Variants in FAM178B observed in about 807,000 individuals in gnomAD.
The protein encoded by FAM178B is family with sequence similarity 178 member B.
In FAM178B, 82 loss-of-function variants were observed where a neutral mutation model predicts 91.7. That is an observed-to-expected ratio of 0.89 (90% CI 0.75 to 1.07). FAM178B has a LOEUF of 1.07. Ranked by LOEUF, FAM178B falls within the 50% of genes least tolerant of loss-of-function variation. The pLI, the probability that FAM178B is intolerant of heterozygous loss-of-function variation, is 0.00. For missense variants in FAM178B, 769 were observed against 846.7 expected (o/e 0.91, Z 1.14); for synonymous variants, 368 against 359.4 (o/e 1.02, Z -0.27).
intron 9 of FAM178B, among the ~76,000 whole-genome samples, chr2:96,927,789 G>A (rs867431785): frequency 3.3e-5 from 5 of 152,150 alleles, no homozygotes; most frequent in South Asian, 4.1e-4. Flanking sequence ...CTCCAGTGCC[G>A]CCTCCCACTC....
chr2:96,974,258 T>A (rs1261440828), intron 1 of FAM178B, among the ~76,000 whole-genome samples: 1 of 151,028 alleles, frequency 6.6e-6, no homozygotes, highest in South Asian at 2.1e-4. Flanking sequence ...GGTGGACGCC[T>A]GTAGTCCCAG....
At chr2:96,909,277 G>GT (rs1324535631) in intron 12 of FAM178B, among the ~76,000 whole-genome samples, 1 of 152,130 alleles carries the variant, frequency 6.6e-6, no homozygotes, top group African/African-American at 2.4e-5. Context: ...AGGAAGTGCA[G>GT]TATCTGCCAA....
intron 12 of FAM178B, among the ~76,000 whole-genome samples, chr2:96,905,852 ATATATATATTTTTTTTTTTTTT>A (rs1156270205): frequency 5.8e-4 from 16 of 27,752 alleles, no homozygotes; most frequent in East Asian, 9.9e-4. Context: ...ATATATATAT[ATATATATATTTTTTTTTTTTTT>A]TTTTTTTTTT....
chr2:96,960,751 A>G (rs1000847622), intron 5 of FAM178B, among the ~76,000 whole-genome samples: 1 of 152,232 alleles, frequency 6.6e-6, no homozygotes, highest in African/African-American at 2.4e-5. Flanking sequence ...CCAGGTACGG[A>G]GGGTGAGTCA....
intron 8 of FAM178B, among the ~76,000 whole-genome samples, chr2:96,943,706 A>T (rs1436757817): frequency 1.3e-5 from 2 of 152,150 alleles, no homozygotes; most frequent in Middle Eastern, 3.2e-3. Flanking sequence ...CTATCCTTCA[A>T]GACCTGGCCT....
chr2:96,967,747 T>TG, intron 4 of FAM178B, 120 bp from the exon 5 acceptor site: 1 of 669,980 alleles, frequency 1.5e-6, no homozygotes, highest in African/African-American at 1.8e-5. Flanking sequence ...CCGTCCTGGC[T>TG]GGTCTCCTTG....
intron 13 of FAM178B, among the ~76,000 whole-genome samples, chr2:96,894,875 C>G (rs1190460730): frequency 1.7e-5 from 2 of 115,546 alleles, no homozygotes; most frequent in Admixed American, 8.7e-5. Flanking sequence ...CCCACACCCA[C>G]CCAGTCATCC....
At chr2:96,967,790 G>A (rs1342355591) in intron 4 of FAM178B, among the ~76,000 whole-genome samples, 163 bp from the exon 5 acceptor site, 9 of 152,170 alleles carry the variant, frequency 5.9e-5, no homozygotes. Context: ...TAAGGCAATG[G>A]GGACGGGTTG....
chr2:96,905,832 A>ACGTATATATATG (rs561491615), intron 12 of FAM178B, among the ~76,000 whole-genome samples: 8 of 25,838 alleles, frequency 3.1e-4, no homozygotes, highest in Non-Finnish European at 6.5e-4. Flanking sequence ...ATATATATAT[A>ACGTATATATATG]TATATATATA....
At chr2:96,891,634 G>A (rs144348287) in intron 14 of FAM178B, among the ~76,000 whole-genome samples, 336 of 152,354 alleles carry the variant, frequency 2.2e-3, no homozygotes, top group Non-Finnish European at 3.5e-3. Flanking sequence ...AGGGATCAGT[G>A]AGGAGAGAAA....
intron 12 of FAM178B, among the ~76,000 whole-genome samples, chr2:96,918,901 G>T (rs181711310): frequency 2.0e-4 from 31 of 152,146 alleles, no homozygotes; most frequent in Non-Finnish European, 4.1e-4. Context: ...GTCCTGTTCT[G>T]TTCCATTCTG....
At position 96,933,252 on chromosome 2, in the gene FAM178B, TA is replaced by T. The variant is rs879637422; in HGVS notation, c.1079-3933del. On this transcript the variant is annotated intron_variant, in intron 8 of 16. Transcript: ENST00000490605. ...AGCGAGACTCCGTTTCATAAAAAAA[TA>T]AAAAAAAAAATTAAAAAAATTTGCC... 7.0e-3 allele frequency among the ~76,000 whole-genome samples: 1,017 copies of T among 145,280 alleles called. 14 individuals carry two copies. Among genetic ancestry groups the T allele is most frequent in the African/African-American group, 0.024 (931 of 39,614 alleles).
intron 12 of FAM178B, among the ~76,000 whole-genome samples, chr2:96,911,013 C>T (rs1403070167): frequency 6.6e-6 from 1 of 152,150 alleles, no homozygotes; most frequent in Non-Finnish European, 1.5e-5. Flanking sequence ...AGTGATCCAC[C>T]TGCCTCAGCC....
At chr2:96,888,896 C>T (rs112773014) in intron 14 of FAM178B, among the ~76,000 whole-genome samples, 2 of 152,224 alleles carry the variant, frequency 1.3e-5, no homozygotes, top group African/African-American at 2.4e-5. Context: ...CCCCCCTCCC[C>T]GCCAACAACT....
intron 1 of FAM178B, among the ~76,000 whole-genome samples, chr2:96,984,223 T>G (rs887450784): frequency 2.0e-5 from 3 of 152,032 alleles, no homozygotes; most frequent in African/African-American, 4.8e-5. Flanking sequence ...CCTCCCAAAG[T>G]GCTGGGATTA....
chr2:96,929,160 T>G (rs1363278804), intron 9 of FAM178B, 46 bp downstream of exon 9: 1 of 1,356,932 alleles, frequency 7.4e-7, no homozygotes, highest in Non-Finnish European at 1.0e-6. Flanking sequence ...CCCTGTCTCT[T>G]AAAAAATATG....
At chr2:96,903,899 A>G (rs2080981199) in intron 12 of FAM178B, among the ~76,000 whole-genome samples, 1 of 152,224 alleles carries the variant, frequency 6.6e-6, no homozygotes, top group Non-Finnish European at 1.5e-5. Context: ...GAAAGAGTCA[A>G]GAAAGTCAGA....
At position 96,972,086 on chromosome 2, in the gene FAM178B, G is replaced by T; in HGVS notation, c.379C>A (p.Arg127=). The T allele has an allele frequency of 2.0e-6, 3 of 1,532,456 alleles. No homozygotes were observed. In the African/African-American group the frequency reaches 4.1e-5, roughly 21 times the overall value. 94.9% of individuals were successfully genotyped at this position (1,532,456 alleles called of 1,614,324 possible). ...FLNPRVLQAS[R]EAPAQRWVGV... ...ACCCACCTCTGGGCCGGGGCCTCCCGACTGGCCTGCAGCACCCTCGGGTTG... is the reference window on the plus strand; with the variant it reads ...ACCCACCTCTGGGCCGGGGCCTCCCTACTGGCCTGCAGCACCCTCGGGTTG... Residue 127 remains arginine, a synonymous_variant, in exon 3 of 17, where the codon CGG becomes AGG. Coordinates refer to ENST00000490605, the MANE Select transcript of FAM178B (RefSeq NM_001122646.3).
At chr2:96,953,762 G>A (rs2081961640) in intron 6 of FAM178B, among the ~76,000 whole-genome samples, 1 of 152,182 alleles carries the variant, frequency 6.6e-6, no homozygotes, top group South Asian at 2.1e-4. Flanking sequence ...TCGGTGGGAC[G>A]GGAGTGCTGC....
Sources: gnomAD v4.1 joint callset for allele counts (sites outside exome capture counted in the v4.1 genomes callset) on GRCh38, gnomAD v4.1.1 for gene constraint, MANE v1.5 for transcripts, NCBI Gene and HGNC (gene_info 2026-07-23, HGNC 2026-07-21) for gene names.